PTBP2: variants seen among roughly 807,000 people sequenced by gnomAD.
PTBP2 encodes the protein polypyrimidine tract-binding protein 2.
In PTBP2, 13 loss-of-function variants were observed where a neutral mutation model predicts 61.4. The observed-to-expected ratio is 0.21, with a 90% CI of 0.14 to 0.34. The LOEUF (loss-of-function observed/expected upper bound fraction) is 0.34, where lower values mean the gene tolerates loss of function less well. PTBP2 is among the 10% of genes least tolerant of loss of function. The pLI is 1.00. For missense variants in PTBP2, 405 were observed against 642.6 expected, an observed-to-expected ratio of 0.63 and a Z score of 4.00; for synonymous variants, 215 against 218.5, an observed-to-expected ratio of 0.98 and a Z score of 0.14.
downstream of PTBP2, chr1:96,817,391 A>G (rs966347730): frequency 6.6e-6 from 1 of 152,106 alleles, no homozygotes; most frequent in Non-Finnish European, 1.5e-5. Flanking sequence ...TTAATTTTAA[A>G]CCGTAATATT....
At chr1:96,769,921 C>T in intron 4 of PTBP2, 46 bp downstream of exon 4, 1 of 1,402,944 alleles carries the variant, frequency 7.1e-7, no homozygotes, top group Non-Finnish European at 9.5e-7. Context: ...CCAAACTATC[C>T]AGCAGGTGTG....
chr1:96,819,874 G>T (rs180774832), downstream of PTBP2: 1 of 151,592 alleles, frequency 6.6e-6, no homozygotes, highest in East Asian at 1.9e-4. Context: ...CGGTTAAAGA[G>T]CTCCTTTAAA....
chr1:96,788,165 T>C (rs1002542923), intron 8 of PTBP2, among the ~76,000 whole-genome samples: 3 of 152,298 alleles, frequency 2.0e-5, no homozygotes, highest in African/African-American at 7.2e-5. Flanking sequence ...AGTCACAATT[T>C]GCTAAATTGC....
At chr1:96,748,983 G>T (rs1654188970) in intron 2 of PTBP2, among the ~76,000 whole-genome samples, 1 of 152,026 alleles carries the variant, frequency 6.6e-6, no homozygotes, top group South Asian at 2.1e-4. Flanking sequence ...AGTAATTTTT[G>T]TAAAATCTCA....
chr1:96,819,469 T>A (rs1662602858), downstream of PTBP2: 1 of 152,032 alleles, frequency 6.6e-6, no homozygotes, highest in African/African-American at 2.4e-5. Flanking sequence ...GCATTAGCTG[T>A]CCATCACTTA....
chr1:96,785,354 G>T, intron 8 of PTBP2, 100 bp downstream of exon 8: 2 of 948,936 alleles, frequency 2.1e-6, no homozygotes, highest in Non-Finnish European at 3.0e-6. Context: ...TTACCAAATT[G>T]TGTTAGGTTT....
At chr1:96,759,613 C>G (rs1655563976) in intron 3 of PTBP2, among the ~76,000 whole-genome samples, 1 of 151,980 alleles carries the variant, frequency 6.6e-6, no homozygotes, top group South Asian at 2.1e-4. Flanking sequence ...GATATACTTG[C>G]AACTTTGGGA....
intron 3 of PTBP2, among the ~76,000 whole-genome samples, chr1:96,763,622 GA>G (rs1423653800): frequency 4.9e-5 from 6 of 121,994 alleles, no homozygotes; most frequent in African/African-American, 1.2e-4. Flanking sequence ...GGGGGAGGGG[GA>G]GGGGGAGGGC....
At chr1:96,746,687 A>T (rs1484692027) in intron 2 of PTBP2, among the ~76,000 whole-genome samples, 1 of 140,480 alleles carries the variant, frequency 7.1e-6, no homozygotes, top group Non-Finnish European at 1.5e-5. Context: ...TTGGTGACAG[A>T]GCAAGACTTT....
chr1:96,764,255 T>C (rs1395016343), intron 3 of PTBP2, among the ~76,000 whole-genome samples: 2 of 152,228 alleles, frequency 1.3e-5, no homozygotes, highest in African/African-American at 2.4e-5. Flanking sequence ...AAATGTTTAA[T>C]AAATTGATAC....
chr1:96,756,475 C>G (rs542707304), intron 3 of PTBP2, among the ~76,000 whole-genome samples: 1 of 152,164 alleles, frequency 6.6e-6, no homozygotes, highest in Admixed American at 6.5e-5. Context: ...ACTTAGTCTG[C>G]GCAGAAAGTA....
intron 8 of PTBP2, 69 bp downstream of exon 8, chr1:96,785,323 T>C (rs1570939652): frequency 8.0e-7 from 1 of 1,248,514 alleles, no homozygotes; most frequent in South Asian, 1.7e-5. Flanking sequence ...GTAAGTATAA[T>C]GAATCCCCCC....
intron 7 of PTBP2, among the ~76,000 whole-genome samples, chr1:96,780,779 G>C (rs1396714568): frequency 6.6e-6 from 1 of 151,980 alleles, no homozygotes; most frequent in Non-Finnish European, 1.5e-5. Flanking sequence ...CCCACACTAA[G>C]AACCTGGCGG....
intron 3 of PTBP2, among the ~76,000 whole-genome samples, chr1:96,764,895 T>C (rs1656488577): frequency 6.6e-6 from 1 of 152,196 alleles, no homozygotes; most frequent in South Asian, 2.1e-4. Context: ...AATATGCTTT[T>C]GACAACTACA....
intron 8 of PTBP2, among the ~76,000 whole-genome samples, chr1:96,794,628 T>G (rs190932218): frequency 1.3e-5 from 2 of 152,258 alleles, no homozygotes; most frequent in East Asian, 3.9e-4. Context: ...GCTAGACACT[T>G]TAGAGATTCA....
chr1:96,738,471 C>T (rs1260258943), intron 2 of PTBP2, among the ~76,000 whole-genome samples: 1 of 148,212 alleles, frequency 6.7e-6, no homozygotes, highest in Non-Finnish European at 1.5e-5. Flanking sequence ...GATGGGGTTT[C>T]ACCGTGTTAG....
chr1:96,757,357 A>T (rs936088234), intron 3 of PTBP2, among the ~76,000 whole-genome samples: 15 of 152,250 alleles, frequency 9.9e-5, no homozygotes, highest in Non-Finnish European at 2.1e-4. Context: ...ACCAGATATA[A>T]AAAAGCATAT....
At chr1:96,749,825 G>T (rs1174247078) in intron 2 of PTBP2, 7 of 313,386 alleles carry the variant, frequency 2.2e-5, no homozygotes, top group Admixed American at 1.1e-4. Context: ...AATCCTAAGG[G>T]CTGTGATGTA....
intron 3 of PTBP2, among the ~76,000 whole-genome samples, chr1:96,755,153 A>T (rs1655014359): frequency 6.6e-6 from 1 of 152,238 alleles, no homozygotes; most frequent in African/African-American, 2.4e-5. Context: ...TCAGCAGTCA[A>T]GCAACAAACT....
Sources: allele counts gnomAD v4.1 joint callset (sites outside exome capture counted in the v4.1 genomes callset), GRCh38; gene constraint gnomAD v4.1.1; transcripts MANE v1.5; gene names NCBI Gene and HGNC (gene_info 2026-07-23, HGNC 2026-07-21).